The following NCAM2 variants were observed in gnomAD, a reference collection of about 807,000 sequenced individuals.
NCAM2 encodes neural cell adhesion molecule 2, also known as N-CAM-2.
A neutral mutation model predicts 98.1 loss-of-function variants in NCAM2; 30 were observed. The observed-to-expected ratio is 0.31, with a 90% CI of 0.23 to 0.41. The LOEUF is 0.41. NCAM2 is among the 10% of genes least tolerant of loss of function. The pLI, the probability that NCAM2 is intolerant of heterozygous loss-of-function variation, is 1.00. For missense variants in NCAM2, 867 were observed against 1,005.8 expected, an observed-to-expected ratio of 0.86 and a Z score of 1.87; for synonymous variants, 368 against 342.4, an observed-to-expected ratio of 1.07 and a Z score of -0.83.
At chr21:21,102,869 G>GA (rs1011974126) in intron 1 of NCAM2, among the ~76,000 whole-genome samples, 10 of 151,456 alleles carry the variant, frequency 6.6e-5, no homozygotes, top group East Asian at 1.9e-4. Context: ...AAGGCAAAAT[G>GA]AAAAAAAACT....
chr21:21,535,035 T>G (rs906987900), intron 17 of NCAM2, among the ~76,000 whole-genome samples: 1 of 152,150 alleles, frequency 6.6e-6, no homozygotes, highest in Non-Finnish European at 1.5e-5. Context: ...TTGTCATCGC[T>G]TTGAATATAA....
intron 15 of NCAM2, among the ~76,000 whole-genome samples, chr21:21,496,201 C>T (rs986549890): frequency 6.6e-6 from 1 of 151,794 alleles, no homozygotes; most frequent in African/African-American, 2.4e-5. Flanking sequence ...AGACTGCTTT[C>T]CTCAGTGGCT....
intron 1 of NCAM2, among the ~76,000 whole-genome samples, chr21:21,057,870 G>A (rs924264276): frequency 1.3e-5 from 2 of 151,716 alleles, no homozygotes; most frequent in Non-Finnish European, 2.9e-5. Flanking sequence ...TTCTCTATGG[G>A]ATATCCCTCA....
chr21:21,270,552 T>C (rs1042481721), intron 1 of NCAM2, among the ~76,000 whole-genome samples: 1 of 152,228 alleles, frequency 6.6e-6, no homozygotes, highest in Admixed American at 6.5e-5. Context: ...GGTATTTCTA[T>C]GCAATAATGT....
intron 1 of NCAM2, among the ~76,000 whole-genome samples, chr21:21,061,746 T>A (rs2065328186): frequency 6.6e-6 from 1 of 152,166 alleles, no homozygotes. Context: ...CTTAACAGTA[T>A]GCCTACTTAC....
intron 14 of NCAM2, 32 bp from the exon 15 acceptor site, chr21:21,477,259 A>G (rs1985290837): frequency 1.3e-6 from 2 of 1,530,964 alleles, no homozygotes; most frequent in South Asian, 2.5e-5. Flanking sequence ...GTGTATGGAT[A>G]TTTACAAACT....
intron 9 of NCAM2, among the ~76,000 whole-genome samples, chr21:21,374,864 T>C (rs2075996270): frequency 6.6e-6 from 1 of 151,968 alleles, no homozygotes; most frequent in East Asian, 1.9e-4. Flanking sequence ...ACAAGATGCA[T>C]TCTCTTATCG....
chr21:21,095,978 A>G (rs2146466660), intron 1 of NCAM2, among the ~76,000 whole-genome samples: 1 of 151,792 alleles, frequency 6.6e-6, no homozygotes, highest in East Asian at 1.9e-4. Context: ...ATTGAGTCAG[A>G]TATGTATCAA....
intron 1 of NCAM2, among the ~76,000 whole-genome samples, chr21:21,133,802 C>T (rs1032011429): frequency 2.0e-5 from 3 of 152,168 alleles, no homozygotes; most frequent in Non-Finnish European, 4.4e-5. Flanking sequence ...CCCACATCCC[C>T]ATCCCTTACC....
At chr21:21,307,510 A>T (rs1454431153) in intron 5 of NCAM2, among the ~76,000 whole-genome samples, 3 of 152,156 alleles carry the variant, frequency 2.0e-5, no homozygotes, top group Non-Finnish European at 4.4e-5. Flanking sequence ...CTCTGCTGGG[A>T]TCTGCTCAGT....
At chr21:21,085,099 T>C (rs1210779098) in intron 1 of NCAM2, among the ~76,000 whole-genome samples, 1 of 152,184 alleles carries the variant, frequency 6.6e-6, no homozygotes, top group Admixed American at 6.5e-5. Flanking sequence ...AATCTCTTTA[T>C]TCAAAATATA....
At chr21:21,407,610 T>C (rs982458202) in intron 9 of NCAM2, among the ~76,000 whole-genome samples, 1 of 152,180 alleles carries the variant, frequency 6.6e-6, no homozygotes, top group African/African-American at 2.4e-5. Context: ...TCTTATTGGA[T>C]TGAGTTTATT....
At chr21:21,389,996 C>T (rs1186436987) in intron 9 of NCAM2, among the ~76,000 whole-genome samples, 2 of 152,206 alleles carry the variant, frequency 1.3e-5, no homozygotes, top group South Asian at 2.1e-4. Context: ...ACTACAGTCA[C>T]GTGCCACCAT....
chr21:21,504,712 T>A (rs554392953), intron 15 of NCAM2, among the ~76,000 whole-genome samples: 1 of 151,834 alleles, frequency 6.6e-6, no homozygotes, highest in South Asian at 2.1e-4. Flanking sequence ...CAAGGTGACA[T>A]TTAATATATA....
rs190890820 is a variant in NCAM2 at position 21,196,288 on chromosome 21, A to G, written c.56-84290A>G. ...CCCTTCCTGGGTCAACCCACATCCA[A>G]TGACTGATTGAGGCTGGGCAAAAAG... On this transcript the variant is annotated intron_variant, in intron 1 of 17. Coordinates refer to ENST00000400546, the MANE Select transcript of NCAM2 (RefSeq NM_004540.5). Among the ~76,000 whole-genome samples, 7 of 152,232 alleles carry G rather than the reference A, an allele frequency of 4.6e-5. No homozygotes were observed. In the East Asian group the frequency reaches 7.7e-4, roughly 17 times the overall value.
intron 1 of NCAM2, among the ~76,000 whole-genome samples, chr21:21,254,804 A>G (rs1403677234): frequency 1.3e-5 from 2 of 152,070 alleles, no homozygotes; most frequent in Non-Finnish European, 2.9e-5. Context: ...TAGGCCCTCC[A>G]TTTGTGGCAA....
At chr21:21,114,659 A>G (rs957790422) in intron 1 of NCAM2, among the ~76,000 whole-genome samples, 3 of 152,198 alleles carry the variant, frequency 2.0e-5, no homozygotes, top group African/African-American at 7.2e-5. Flanking sequence ...AGCTGTTGTA[A>G]TAAACCACTG....
chr21:21,081,829 A>C (rs1473922107), intron 1 of NCAM2, among the ~76,000 whole-genome samples: 1 of 150,266 alleles, frequency 6.7e-6, no homozygotes, highest in East Asian at 1.9e-4. Context: ...AGAAAAAAAA[A>C]TTATCTCATG....
intron 1 of NCAM2, among the ~76,000 whole-genome samples, chr21:21,191,922 A>G (rs965598957): frequency 6.6e-6 from 1 of 152,122 alleles, no homozygotes; most frequent in Non-Finnish European, 1.5e-5. Context: ...GAGGACTGGT[A>G]TTTAAAACCT....
Sources: gnomAD v4.1 joint callset for allele counts (sites outside exome capture counted in the v4.1 genomes callset) on GRCh38, gnomAD v4.1.1 for gene constraint, MANE v1.5 for transcripts, NCBI Gene and HGNC (gene_info 2026-07-23, HGNC 2026-07-21) for gene names.